DLC1: variants seen among roughly 807,000 people sequenced by gnomAD.
DLC1 encodes rho GTPase-activating protein 7.
DLC1 carries 54 observed loss-of-function variants against 140.3 expected under a neutral mutation model. The ratio of observed to expected loss-of-function variants is 0.38; its 90% confidence interval spans 0.31 to 0.48. DLC1 has a LOEUF of 0.48. DLC1 is among the 20% of genes least tolerant of loss of function. The pLI is 0.96. For missense variants in DLC1, 2,536 were observed against 1,907.0 expected (o/e 1.33, Z -6.14); for synonymous variants, 986 against 728.1 (o/e 1.35, Z -5.70).
At chr8:13,265,749 T>C (rs1465828817) in intron 5 of DLC1, among the ~76,000 whole-genome samples, 1 of 148,584 alleles carries the variant, frequency 6.7e-6, no homozygotes, top group African/African-American at 2.5e-5. Flanking sequence ...CCTCCTTTCC[T>C]TTCCTCCCTC....
intron 1 of DLC1, among the ~76,000 whole-genome samples, chr8:13,528,518 G>T (rs1199086942): frequency 6.6e-6 from 1 of 152,064 alleles, no homozygotes; most frequent in African/African-American, 2.4e-5. Flanking sequence ...ATGCTGGAAG[G>T]TTGAATTTCA....
intron 5 of DLC1, among the ~76,000 whole-genome samples, chr8:13,149,737 G>A (rs182400995): frequency 2.0e-5 from 3 of 152,332 alleles, no homozygotes; most frequent in Admixed American, 6.5e-5. Flanking sequence ...AAGAACATCT[G>A]TACCTAAGAA....
At chr8:13,538,474 A>T (rs568007345) in intron 1 of DLC1, among the ~76,000 whole-genome samples, 1 of 151,940 alleles carries the variant, frequency 6.6e-6, no homozygotes, top group Non-Finnish European at 1.5e-5. Flanking sequence ...TTCGAAGACG[A>T]GCAGATATGA....
intron 5 of DLC1, among the ~76,000 whole-genome samples, chr8:13,259,068 C>G (rs1256331609): frequency 7.4e-6 from 1 of 135,858 alleles, no homozygotes; most frequent in African/African-American, 2.8e-5. Context: ...ACCCGGGAGG[C>G]GGAGGTTGCA....
chr8:13,435,326 T>C (rs289618), intron 2 of DLC1, among the ~76,000 whole-genome samples: 1 of 152,178 alleles, frequency 6.6e-6, no homozygotes, highest in East Asian at 1.9e-4. Context: ...TTTCTTTTCT[T>C]TTTTGAGACA....
At chr8:13,092,573 C>T in intron 13 of DLC1, 39 bp downstream of exon 13, 2 of 1,581,192 alleles carry the variant, frequency 1.3e-6, no homozygotes, top group Middle Eastern at 3.7e-4. Flanking sequence ...AGAATGTAGG[C>T]TGCCCCCTGT....
At chr8:13,157,006 G>T (rs553907160) in intron 5 of DLC1, among the ~76,000 whole-genome samples, 3 of 152,272 alleles carry the variant, frequency 2.0e-5, no homozygotes, top group Admixed American at 6.5e-5. Context: ...CAGACAGGAA[G>T]TGTAAACAAT....
intron 4 of DLC1, among the ~76,000 whole-genome samples, chr8:13,315,208 C>A (rs1052239522): frequency 6.6e-6 from 1 of 152,118 alleles, no homozygotes; most frequent in Non-Finnish European, 1.5e-5. Context: ...TGAGCCCAGG[C>A]GTTCGAGACC....
At chr8:13,567,848 A>T (rs1049256774) in intron 1 of DLC1, 1 of 1,551,856 alleles carries the variant, frequency 6.4e-7, no homozygotes, top group African/African-American at 1.4e-5. Flanking sequence ...CAGAAGTTGC[A>T]GCGAGATGGA....
At position 13,327,120 on chromosome 8, in the gene DLC1, A is replaced by ATTTTTTTTTTT. The variant is rs34667525; in HGVS notation, c.1315-21829_1315-21819dup. Reference sequence around the variant, plus strand: ...TAGGCGCCCGCCACCACACCCGGCTATTTTTTTTTTTTTTTTTTTTTTTTT... The same window carrying ATTTTTTTTTTT: ...TAGGCGCCCGCCACCACACCCGGCTATTTTTTTTTTTTTTTTTTTTTTTTTTTTTTTTTTTT... On this transcript the variant is annotated intron_variant, in intron 4 of 17. Coordinates refer to ENST00000276297, the MANE Select transcript of DLC1 (RefSeq NM_182643.3). 9.3e-5 allele frequency among the ~76,000 whole-genome samples: 8 copies of ATTTTTTTTTTT among 85,660 alleles called. 1 individual carries two copies. The highest frequency in any genetic ancestry group is 8.7e-5 in the African/African-American group (2 of 22,880). 56.2% of individuals were successfully genotyped at this position (85,660 alleles called of 152,430 possible). A position where few individuals can be genotyped will look rare whatever the true frequency, so the allele number is the denominator to read the frequency against.
chr8:13,567,349 A>C, intron 1 of DLC1: 1 of 1,551,740 alleles, frequency 6.4e-7, no homozygotes, highest in Non-Finnish European at 8.7e-7. Flanking sequence ...TGAAGAATTG[A>C]ATGCCCTGCA....
intron 1 of DLC1, among the ~76,000 whole-genome samples, chr8:13,591,399 T>G (rs534529420): frequency 1.3e-5 from 2 of 152,092 alleles, no homozygotes; most frequent in Admixed American, 1.3e-4. Context: ...GATCTGATGG[T>G]TTTACAAGCA....
chr8:13,155,791 CT>C (rs1311477666), intron 5 of DLC1, among the ~76,000 whole-genome samples: 2 of 152,092 alleles, frequency 1.3e-5, no homozygotes, highest in African/African-American at 4.8e-5. Context: ...AATAAAAGAA[CT>C]CAGAGCTGTA....
intron 5 of DLC1, among the ~76,000 whole-genome samples, chr8:13,248,509 T>C (rs1829861711): frequency 6.6e-6 from 1 of 152,170 alleles, no homozygotes. Context: ...CCTTATTTAT[T>C]AAAGATTCTA....
At chr8:13,154,036 T>C (rs998000048) in intron 5 of DLC1, among the ~76,000 whole-genome samples, 2 of 151,602 alleles carry the variant, frequency 1.3e-5, no homozygotes, top group Admixed American at 6.6e-5. Context: ...CCCCACCAGA[T>C]TAGCTAGATA....
chr8:13,561,631 T>C (rs1490220772), intron 1 of DLC1, among the ~76,000 whole-genome samples: 1 of 152,204 alleles, frequency 6.6e-6, no homozygotes, highest in Non-Finnish European at 1.5e-5. Context: ...TTTCTTCATC[T>C]GTCTATTCAT....
chr8:13,589,122 C>G (rs553093289), intron 1 of DLC1, among the ~76,000 whole-genome samples: 37 of 152,124 alleles, frequency 2.4e-4, no homozygotes, highest in Middle Eastern at 3.4e-3. Context: ...TGTATTTTAA[C>G]CACACGATCC....
chr8:13,454,729 A>C (rs998702513), intron 2 of DLC1, among the ~76,000 whole-genome samples: 2 of 151,932 alleles, frequency 1.3e-5, no homozygotes, highest in Non-Finnish European at 2.9e-5. Flanking sequence ...TAATTTTTTA[A>C]TTTTTGTAGA....
intron 2 of DLC1, among the ~76,000 whole-genome samples, chr8:13,406,709 C>A: frequency 6.6e-6 from 1 of 152,018 alleles, no homozygotes; most frequent in Non-Finnish European, 1.5e-5. Context: ...CTGTTGGTGC[C>A]CAGAATTAAA....
Sources: gnomAD v4.1 joint callset for allele counts (sites outside exome capture counted in the v4.1 genomes callset) on GRCh38, gnomAD v4.1.1 for gene constraint, MANE v1.5 for transcripts, NCBI Gene and HGNC (gene_info 2026-07-23, HGNC 2026-07-21) for gene names.